The following CFAP299 variants were observed in gnomAD, a reference collection of about 807,000 sequenced individuals.
CFAP299 encodes cilia- and flagella-associated protein 299.
CFAP299 carries 21 observed loss-of-function variants against 27.0 expected under a neutral mutation model. The ratio of observed to expected loss-of-function variants is 0.78; its 90% CI spans 0.55 to 1.12. The LOEUF is 1.12. Among genes scored for constraint, CFAP299 ranks in the 50% most tolerant of loss-of-function variants. The pLI is 0.00. For synonymous variants in CFAP299, 104 were observed against 98.1 expected, an observed-to-expected ratio of 1.06 and a Z score of -0.36; for missense variants, 310 against 276.6, an observed-to-expected ratio of 1.12 and a Z score of -0.86.
intron 4 of CFAP299, among the ~76,000 whole-genome samples, chr4:80,942,722 AC>A (rs1317077675): frequency 3.9e-5 from 6 of 152,100 alleles, no homozygotes; most frequent in Non-Finnish European, 8.8e-5. Context: ...AAACCATGCC[AC>A]TCTAAGCACA....
intron 3 of CFAP299, among the ~76,000 whole-genome samples, chr4:80,797,119 G>A (rs1727911403): frequency 6.6e-6 from 1 of 152,154 alleles, no homozygotes; most frequent in African/African-American, 2.4e-5. Context: ...TCAGTGTCCA[G>A]TAGTCCTCAA....
chr4:80,504,776 C>CA (rs1311335017), intron 2 of CFAP299, among the ~76,000 whole-genome samples: 1 of 147,210 alleles, frequency 6.8e-6, no homozygotes, highest in Non-Finnish European at 1.5e-5. Flanking sequence ...ATGTGGTTAC[C>CA]AAGGCCTAAG....
At chr4:80,518,794 A>G (rs1380926848) in intron 2 of CFAP299, among the ~76,000 whole-genome samples, 2 of 152,164 alleles carry the variant, frequency 1.3e-5, no homozygotes, top group East Asian at 1.9e-4. Flanking sequence ...CAAGTTGCTT[A>G]GAATTAGCAA....
chr4:80,854,820 A>C (rs1731737898), intron 3 of CFAP299, among the ~76,000 whole-genome samples: 1 of 150,134 alleles, frequency 6.7e-6, no homozygotes, highest in Non-Finnish European at 1.5e-5. Flanking sequence ...GAAAAAAAAA[A>C]AAAAAAAAAA....
chr4:80,839,559 A>G (rs1730752017), intron 3 of CFAP299, among the ~76,000 whole-genome samples: 1 of 152,100 alleles, frequency 6.6e-6, no homozygotes, highest in South Asian at 2.1e-4. Context: ...GTGTTTTCTC[A>G]TCTGTAAAAT....
At chr4:80,941,345 T>C (rs963642608) in intron 4 of CFAP299, among the ~76,000 whole-genome samples, 1 of 152,198 alleles carries the variant, frequency 6.6e-6, no homozygotes, top group Non-Finnish European at 1.5e-5. Flanking sequence ...AAATTTGCCA[T>C]GGATCTCAGT....
chr4:80,782,737 A>G (rs1283460964), intron 3 of CFAP299, among the ~76,000 whole-genome samples: 1 of 137,638 alleles, frequency 7.3e-6, no homozygotes. Context: ...TAATATATTC[A>G]CATATGGCAT....
intron 3 of CFAP299, among the ~76,000 whole-genome samples, chr4:80,749,101 TG>T (rs1724784952): frequency 6.6e-6 from 1 of 152,188 alleles, no homozygotes; most frequent in South Asian, 2.1e-4. Flanking sequence ...ATCTACTGTA[TG>T]CATCATTAAA....
intron 3 of CFAP299, among the ~76,000 whole-genome samples, chr4:80,593,160 G>T (rs533718742): frequency 6.6e-6 from 1 of 152,148 alleles, no homozygotes; most frequent in Non-Finnish European, 1.5e-5. Context: ...ACCAACTGTA[G>T]GTGTCTGACT....
intron 3 of CFAP299, among the ~76,000 whole-genome samples, chr4:80,716,880 C>G (rs1037975830): frequency 6.6e-6 from 1 of 151,886 alleles, no homozygotes; most frequent in Admixed American, 6.6e-5. Flanking sequence ...GAGAGGTTGC[C>G]CAGGAATTGC....
chr4:80,636,433 C>G (rs1739468627), intron 3 of CFAP299, among the ~76,000 whole-genome samples: 1 of 151,846 alleles, frequency 6.6e-6, no homozygotes, highest in Non-Finnish European at 1.5e-5. Flanking sequence ...TTAAAAAAAT[C>G]TTACAAGTGT....
chr4:80,649,170 T>G (rs1740171337), intron 3 of CFAP299: 1 of 152,182 alleles, frequency 6.6e-6, no homozygotes, highest in Non-Finnish European at 1.5e-5. Context: ...GGGAAGAAAC[T>G]ATGGGTCAGG....
chr4:80,459,954 C>G (rs561430155), intron 2 of CFAP299, among the ~76,000 whole-genome samples: 1 of 152,166 alleles, frequency 6.6e-6, no homozygotes, highest in African/African-American at 2.4e-5. Flanking sequence ...TATTAATATG[C>G]AAGGGTGTGT....
intron 1 of CFAP299, among the ~76,000 whole-genome samples, chr4:80,343,556 G>A (rs1722568758): frequency 2.0e-5 from 3 of 152,224 alleles, no homozygotes; most frequent in Admixed American, 6.5e-5. Context: ...TTGGGAGGCC[G>A]AGGCGGGTGG....
intron 1 of CFAP299, among the ~76,000 whole-genome samples, chr4:80,339,488 G>A (rs1010100969): frequency 1.5e-4 from 23 of 152,162 alleles, no homozygotes; most frequent in African/African-American, 5.6e-4. Flanking sequence ...TGGAAAAAAG[G>A]AAACTAACCC....
intron 3 of CFAP299, among the ~76,000 whole-genome samples, chr4:80,672,155 C>G (rs1741523999): frequency 6.6e-6 from 1 of 152,136 alleles, no homozygotes; most frequent in Non-Finnish European, 1.5e-5. Flanking sequence ...ATAAATAGCT[C>G]TTATGATTCT....
At chr4:80,471,048 T>G (rs1729967802) in intron 2 of CFAP299, among the ~76,000 whole-genome samples, 1 of 151,890 alleles carries the variant, frequency 6.6e-6, no homozygotes, top group Admixed American at 6.6e-5. Context: ...CAGAATAACC[T>G]CGTACAGGGA....
At chr4:80,643,555 CTA>C (rs1739833827) in intron 3 of CFAP299, among the ~76,000 whole-genome samples, 1 of 152,146 alleles carries the variant, frequency 6.6e-6, no homozygotes, top group Non-Finnish European at 1.5e-5. Context: ...AGGAGAATTT[CTA>C]GAGTAATATC....
chr4:80,908,654 T>G (rs1393128509), intron 4 of CFAP299, among the ~76,000 whole-genome samples: 1 of 152,206 alleles, frequency 6.6e-6, no homozygotes. Context: ...TAGACATAAA[T>G]GTGCAAACCA....
Sources: allele counts gnomAD v4.1 joint callset (sites outside exome capture counted in the v4.1 genomes callset), GRCh38; gene constraint gnomAD v4.1.1; transcripts MANE v1.5; gene names NCBI Gene and HGNC (gene_info 2026-07-23, HGNC 2026-07-21).